The following C1GALT1 variants were observed in gnomAD, a reference collection of about 807,000 sequenced individuals.
C1GALT1 encodes core 1 synthase, glycoprotein-N-acetylgalactosamine 3-beta-galactosyltransferase 1.
C1GALT1 carries 11 observed loss-of-function variants against 31.0 expected under a neutral mutation model. The ratio of observed to expected loss-of-function variants is 0.36; its 90% CI spans 0.22 to 0.59. C1GALT1 has a LOEUF of 0.59. C1GALT1 is among the 20% of genes least tolerant of loss of function. C1GALT1 has a pLI of 0.79. For synonymous variants in C1GALT1, 175 were observed against 143.6 expected, an observed-to-expected ratio of 1.22 and a Z score of -1.56; for missense variants, 424 against 425.2, an observed-to-expected ratio of 1.00 and a Z score of 0.03.
At chr7:7,232,567 T>C (rs1783137620) in intron 1 of C1GALT1, among the ~76,000 whole-genome samples, 1 of 151,386 alleles carries the variant, frequency 6.6e-6, no homozygotes, top group African/African-American at 2.4e-5. Flanking sequence ...ATCTCGGTCC[T>C]GCAGTCCTGC....
chr7:7,194,956 A>T (rs10257835), intron 1 of C1GALT1, among the ~76,000 whole-genome samples: 3 of 151,728 alleles, frequency 2.0e-5, no homozygotes, highest in Non-Finnish European at 4.4e-5. Context: ...CTAGTTTGTG[A>T]GCATAAAGGG....
intron 1 of C1GALT1, among the ~76,000 whole-genome samples, chr7:7,207,629 A>T (rs1781808654): frequency 6.6e-6 from 1 of 151,712 alleles, no homozygotes; most frequent in South Asian, 2.1e-4. Flanking sequence ...TTTCAGGGAC[A>T]ATTTGTTAGT....
chr7:7,164,004 G>A (rs925035652), intron 2 of C1GALT1, among the ~76,000 whole-genome samples: 4 of 151,992 alleles, frequency 2.6e-5, no homozygotes, highest in Non-Finnish European at 5.9e-5. Flanking sequence ...AGCCCGCATC[G>A]CCAAGTCAAT....
chr7:7,161,740 T>C (rs548870709), intron 2 of C1GALT1, among the ~76,000 whole-genome samples: 2 of 152,198 alleles, frequency 1.3e-5, no homozygotes, highest in East Asian at 3.9e-4. Context: ...CTCTATCAGA[T>C]TGTGTCACAA....
chr7:7,224,722 A>G (rs1782674518), intron 1 of C1GALT1, among the ~76,000 whole-genome samples: 2 of 152,074 alleles, frequency 1.3e-5, no homozygotes, highest in East Asian at 1.9e-4. Context: ...TTGTGTCTCA[A>G]TCTTTAGAGG....
At chr7:7,212,246 C>T (rs1782039245) in intron 1 of C1GALT1, among the ~76,000 whole-genome samples, 1 of 152,084 alleles carries the variant, frequency 6.6e-6, no homozygotes, top group African/African-American at 2.4e-5. Flanking sequence ...CTTTACTGAC[C>T]ACAGGTTAGG....
intron 1 of C1GALT1, among the ~76,000 whole-genome samples, chr7:7,231,363 A>G (rs980131176): frequency 2.0e-5 from 3 of 152,148 alleles, no homozygotes; most frequent in Middle Eastern, 3.4e-3. Flanking sequence ...GTACTGTGTC[A>G]GTTTCGGAAA....
At position 7,189,041 on chromosome 7, in the gene C1GALT1, C is replaced by T. The variant is rs1026724464; in HGVS notation, c.-18+6221C>T. On this transcript the variant is annotated intron_variant, in intron 1 of 3. Coordinates refer to ENST00000436587, the MANE Select transcript of C1GALT1 (RefSeq NM_020156.5). Reference sequence around the variant, plus strand: ...AGGTTTGTTCCTTTTGTTTTCTTTACATTTTCTGATGTTTAAAAAAATACC... The same window carrying T: ...AGGTTTGTTCCTTTTGTTTTCTTTATATTTTCTGATGTTTAAAAAAATACC... 6.6e-5 allele frequency among the ~76,000 whole-genome samples: 10 copies of T among 152,204 alleles called. No individual in the cohort carries two copies. The East Asian group carries it at 1.9e-3, about 29-fold the overall frequency.
chr7:7,247,524 T>C lies in C1GALT1; in HGVS notation c.*3797T>C, dbSNP rs545369885. 1 of 152,238 alleles carries C rather than the reference T, an allele frequency of 6.6e-6. No homozygotes were observed. The highest frequency in any genetic ancestry group is 2.4e-5 in the African/African-American group (1 of 41,562). 9.4% of individuals were successfully genotyped at this position (152,238 alleles called of 1,614,324 possible). On this transcript the variant is annotated 3_prime_UTR_variant, in exon 4 of 4. Coordinates refer to ENST00000436587, the MANE Select transcript of C1GALT1 (RefSeq NM_020156.5). ...ACAGAATTGGATTTGAGCAGTAAAT[T>C]TGCTAACTGGTTATTTTCACAATTT...
chr7:7,190,328 A>G (rs557613843), intron 1 of C1GALT1, among the ~76,000 whole-genome samples: 2 of 143,642 alleles, frequency 1.4e-5, no homozygotes, highest in African/African-American at 2.8e-5. Context: ...AAATCGCGAT[A>G]CATGTGGAAT....
chr7:7,190,897 G>T (rs1768823627), intron 1 of C1GALT1, among the ~76,000 whole-genome samples: 1 of 151,896 alleles, frequency 6.6e-6, no homozygotes, highest in Non-Finnish European at 1.5e-5. Context: ...TTTTAGCTGG[G>T]ATTACTTTAC....
intron 1 of C1GALT1, chr7:7,210,513 CAG>C (rs1781948810): frequency 6.9e-6 from 1 of 144,600 alleles, no homozygotes; most frequent in Non-Finnish European, 1.5e-5. Context: ...CGTACAGAGA[CAG>C]AGGGAGGGAG....
At chr7:7,241,332 T>G (rs187864257) in intron 3 of C1GALT1, among the ~76,000 whole-genome samples, 4 of 152,126 alleles carry the variant, frequency 2.6e-5, no homozygotes, top group Non-Finnish European at 5.9e-5. Context: ...ACCTTACTTA[T>G]AGTAGGATCT....
At chr7:7,233,367 G>C (rs1783181026) in intron 1 of C1GALT1, among the ~76,000 whole-genome samples, 1 of 152,098 alleles carries the variant, frequency 6.6e-6, no homozygotes, top group African/African-American at 2.4e-5. Context: ...GAGTTCAAGT[G>C]ATTCTCCCAC....
intron 1 of C1GALT1, among the ~76,000 whole-genome samples, chr7:7,194,083 T>G (rs1423309420): frequency 1.3e-5 from 2 of 152,058 alleles, no homozygotes; most frequent in Non-Finnish European, 2.9e-5. Flanking sequence ...GGATGAATCT[T>G]TAGGGTTTTC....
rs774849942 is a variant in C1GALT1 at position 7,238,604 on chromosome 7, A to G, written c.570A>G (p.Glu190=). Residue 190 remains glutamate, a synonymous_variant, in exon 3 of 4, where the codon GAA becomes GAG. Coordinates refer to ENST00000436587, the MANE Select transcript of C1GALT1 (RefSeq NM_020156.5). The surrounding 1 kb of genome is among the most constrained non-coding windows in gnomAD (Gnocchi z 5.2). ...TTCTTTCAAAATACGACCCTGAAGA[A>G]CCCATTTACTTTGGGAGAAGATTTA... ...RWLLSKYDPE[E]PIYFGRRFKP... The G allele has an allele frequency of 6.2e-7, 1 of 1,614,126 alleles. No individual in the cohort carries two copies. The highest frequency in any genetic ancestry group is 1.3e-5 in the African/African-American group (1 of 75,058).
rs951977887 is a variant in C1GALT1 at position 7,243,957 on chromosome 7, TTG to T, written c.*234_*235del. On this transcript the variant is annotated 3_prime_UTR_variant, in exon 4 of 4. Transcript: ENST00000436587. The stretch of plus-strand genomic sequence containing the variant: ...AAATATGTCTATATATATGAGGAAC[TTG>T]TGTTTTTTAAATGGTGGCCAGGTAG... The T allele has an allele frequency of 3.9e-5, 11 of 279,472 alleles. No individual in the cohort carries two copies. Among genetic ancestry groups the T allele is most frequent in the African/African-American group, 2.4e-4 (11 of 45,842 alleles). The allele number at this position is 279,472 out of a possible 1,614,324, so 17.3% of individuals were successfully genotyped here.
intron 1 of C1GALT1, among the ~76,000 whole-genome samples, chr7:7,216,753 G>T (rs561281014): frequency 3.7e-4 from 56 of 152,256 alleles, no homozygotes; most frequent in African/African-American, 1.2e-3. Flanking sequence ...GACAATATCG[G>T]GACTAAAATC....
Position 7,234,293 on chromosome 7 carries a change from G to T in C1GALT1, c.-17-10G>T. On this transcript the variant is annotated splice_polypyrimidine_tract_variant and intron_variant, in intron 1 of 3. Coordinates refer to ENST00000436587, the MANE Select transcript of C1GALT1 (RefSeq NM_020156.5). ...ATTTTATAACATCCTGCTAATTTTT[G>T]TTCTTACAGAAATACACTTTCGGGA... 1 of 1,592,798 alleles carries T rather than the reference G, an allele frequency of 6.3e-7. No individual in the cohort carries two copies. The highest frequency in any genetic ancestry group is 8.6e-7 in the Non-Finnish European group (1 of 1,163,718).
Sources: gnomAD v4.1 joint callset for allele counts (sites outside exome capture counted in the v4.1 genomes callset) on GRCh38, gnomAD v4.1.1 for gene constraint, Gnocchi (gnomAD v3.1) non-coding constraint, MANE v1.5 for transcripts, NCBI Gene and HGNC (gene_info 2026-07-23, HGNC 2026-07-21) for gene names.